The following C1orf185 variants were observed in gnomAD, a reference collection of about 807,000 sequenced individuals.
C1orf185 encodes the protein chromosome 1 open reading frame 185.
In C1orf185, 13 loss-of-function variants were observed where a neutral mutation model predicts 16.1. The observed-to-expected ratio is 0.81, with a 90% CI of 0.53 to 1.28. The LOEUF is 1.28. Among genes scored for constraint, C1orf185 ranks in the 50% most tolerant of loss-of-function variants. The pLI, the probability that C1orf185 is intolerant of heterozygous loss-of-function variation, is 0.00. For synonymous variants in C1orf185, 80 were observed against 76.9 expected (o/e 1.04, Z -0.21); for missense variants, 220 against 225.2 (o/e 0.98, Z 0.15).
chr1:51,116,909 C>T (rs1646161967), intron 2 of C1orf185, among the ~76,000 whole-genome samples: 1 of 152,174 alleles, frequency 6.6e-6, no homozygotes, highest in African/African-American at 2.4e-5. Context: ...TAAATCATCC[C>T]TACCTTAATA....
At chr1:51,145,619 A>C in intron 3 of C1orf185, 105 bp from the exon 4 acceptor site, 1 of 553,168 alleles carries the variant, frequency 1.8e-6, no homozygotes, top group East Asian at 4.0e-5. Context: ...ATTTTCCATT[A>C]AAAAATTATA....
chr1:51,143,261 G>A (rs1010758868), intron 3 of C1orf185, among the ~76,000 whole-genome samples: 9 of 152,040 alleles, frequency 5.9e-5, no homozygotes, highest in Non-Finnish European at 1.0e-4. Flanking sequence ...AATTACTTGC[G>A]CCTGAGTAAA....
At chr1:51,111,179 T>C (rs1646115097) in intron 1 of C1orf185, among the ~76,000 whole-genome samples, 1 of 151,676 alleles carries the variant, frequency 6.6e-6, no homozygotes, top group Admixed American at 6.6e-5. Context: ...AGGGATAAGA[T>C]AATAGGAAAA....
At chr1:51,110,269 T>C (rs1192093690) in intron 1 of C1orf185, among the ~76,000 whole-genome samples, 2 of 152,214 alleles carry the variant, frequency 1.3e-5, no homozygotes, top group African/African-American at 4.8e-5. Context: ...GTGCCTGGCA[T>C]ATAGTATTTG....
chr1:51,138,532 A>G (rs540629810), intron 3 of C1orf185, among the ~76,000 whole-genome samples: 240 of 151,916 alleles, frequency 1.6e-3, no homozygotes, highest in Non-Finnish European at 2.8e-3. Flanking sequence ...AGCTGGGACT[A>G]CAGGCGCCCG....
Position 51,134,047 on chromosome 1 carries a change from A to G in C1orf185, c.259-11677A>G, listed in dbSNP as rs184337398. On this transcript the variant is annotated intron_variant, in intron 3 of 4. Coordinates refer to ENST00000371759, the MANE Select transcript of C1orf185 (RefSeq NM_001136508.2). Reference sequence around the variant, plus strand: ...CAGTGAGCTGACATGGCACCACTGCACTCCACTCTGGATGACAGAGCAAGA... The same window carrying G: ...CAGTGAGCTGACATGGCACCACTGCGCTCCACTCTGGATGACAGAGCAAGA... 3.6e-3 allele frequency among the ~76,000 whole-genome samples: 544 copies of G among 152,190 alleles called. 1 individual carries two copies. The highest frequency in any genetic ancestry group is 4.4e-3 in the Non-Finnish European group (299 of 68,018).
intron 3 of C1orf185, among the ~76,000 whole-genome samples, chr1:51,129,086 T>C (rs911387390): frequency 6.6e-6 from 1 of 152,024 alleles, no homozygotes; most frequent in Non-Finnish European, 1.5e-5. Flanking sequence ...GGTTTCACCA[T>C]GTTGGCCAGG....
downstream of C1orf185, among the ~76,000 whole-genome samples, chr1:51,151,285 C>A (rs897538761): frequency 2.0e-5 from 3 of 152,094 alleles, no homozygotes; most frequent in African/African-American, 7.2e-5. Context: ...AGTCAAGGTT[C>A]AGTGAGGGAA....
At chr1:51,124,108 G>A (rs1646219687) in intron 3 of C1orf185, among the ~76,000 whole-genome samples, 1 of 129,366 alleles carries the variant, frequency 7.7e-6, no homozygotes, top group African/African-American at 3.0e-5. Context: ...TTTTGAGACA[G>A]TCTCGCACTG....
chr1:51,128,704 TTAAAATAAAA>T (rs532154201), intron 3 of C1orf185, among the ~76,000 whole-genome samples: 1 of 151,906 alleles, frequency 6.6e-6, no homozygotes, highest in Admixed American at 6.6e-5. Flanking sequence ...AAAAATTAAA[TTAAAATAAAA>T]TAAAATAAAA....
At chr1:51,151,763 C>T (rs1417055082), downstream of C1orf185, among the ~76,000 whole-genome samples, 3 of 152,054 alleles carry the variant, frequency 2.0e-5, no homozygotes, top group South Asian at 4.1e-4. Flanking sequence ...GGTCTTGGCT[C>T]ACTGCAACCT....
In C1orf185 at chr1:51,118,715, C is replaced by A. The variant is rs1646176311; in HGVS notation, c.172C>A (p.Gln58Lys). The stretch of plus-strand genomic sequence containing the variant: ...TAAAGCAATTGATGAGAGATGCAGG[C>A]AAAGACCATCAATGGCGAAGATTAA... ...KFKAIDERCR[Q>K]RPSMAKIKSH... The change falls in exon 3 of 5, where the codon CAA (glutamine) becomes AAA (lysine). Residue 58 changes from glutamine (Q) to lysine (K), a missense_variant. By Grantham distance (53) the Gln-to-Lys change is moderately conservative. Transcript: ENST00000371759. 4.7e-6 allele frequency: 7 copies of A among 1,485,034 alleles called. No homozygotes were observed. The South Asian group carries it at 9.8e-5, about 21-fold the overall frequency. 92.0% of individuals were successfully genotyped at this position (1,485,034 alleles called of 1,614,324 possible). A position where few individuals can be genotyped will look rare whatever the true frequency, so the allele number is the denominator to read the frequency against.
At chr1:51,139,245 G>A (rs1363157521) in intron 3 of C1orf185, among the ~76,000 whole-genome samples, 1 of 152,004 alleles carries the variant, frequency 6.6e-6, no homozygotes, top group Non-Finnish European at 1.5e-5. Context: ...TGGGATTACA[G>A]GTGCTCGCCA....
chr1:51,140,820 A>AT (rs1646359385), intron 3 of C1orf185, among the ~76,000 whole-genome samples: 1 of 152,190 alleles, frequency 6.6e-6, no homozygotes, highest in South Asian at 2.1e-4. Context: ...CTATAGTGAT[A>AT]TTCTCTTGCT....
intron 3 of C1orf185, among the ~76,000 whole-genome samples, chr1:51,123,260 C>T (rs1349879091): frequency 1.3e-5 from 2 of 152,126 alleles, no homozygotes; most frequent in Non-Finnish European, 2.9e-5. Context: ...CTTAAAGGCC[C>T]CACCTTCTGA....
At position 51,148,068 on chromosome 1, in the gene C1orf185, A is replaced by C; in HGVS notation, c.*297A>C. 1 of 237,286 alleles carries C rather than the reference A, an allele frequency of 4.2e-6. No individual in the cohort carries two copies. The highest frequency in any genetic ancestry group is 8.2e-6 in the Non-Finnish European group (1 of 122,238). 14.7% of individuals were successfully genotyped at this position (237,286 alleles called of 1,614,324 possible). A position where few individuals can be genotyped will look rare whatever the true frequency, so the allele number is the denominator to read the frequency against. On this transcript the variant is annotated 3_prime_UTR_variant, in exon 5 of 5. Transcript: ENST00000371759. Reference sequence around the variant, plus strand: ...CTCATCCAAAGACATATTAAATAAAATGAGTGTATGTCAACAAACGGGAGA... The same window carrying C: ...CTCATCCAAAGACATATTAAATAAACTGAGTGTATGTCAACAAACGGGAGA...
Position 51,147,678 on chromosome 1 carries a change from T to C in C1orf185, c.507T>C (p.Ser169=). The change falls in exon 5 of 5, where the codon TCT becomes TCC. Residue 169 remains serine, a synonymous_variant. Coordinates refer to ENST00000371759, the MANE Select transcript of C1orf185 (RefSeq NM_001136508.2). ...SLVKRNSPMP[S]LGEPLMEKVF... ...TGAAAAGGAACTCTCCAATGCCTTC[T>C]CTCGGGGAACCTCTAATGGAAAAAG... The C allele has an allele frequency of 1.3e-6, 2 of 1,551,442 alleles. No individual in the cohort carries two copies. Among genetic ancestry groups the C allele is most frequent in the East Asian group, 2.4e-5 (1 of 40,886 alleles).
chr1:51,124,767 G>C (rs1462605877), intron 3 of C1orf185, among the ~76,000 whole-genome samples: 2 of 152,186 alleles, frequency 1.3e-5, no homozygotes, highest in African/African-American at 4.8e-5. Context: ...ATAGTGTCTT[G>C]TATTAATGAG....
chr1:51,148,037 T>C lies in C1orf185; in HGVS notation c.*266T>C, dbSNP rs556525430. The C allele has an allele frequency of 1.6e-5, 5 of 307,082 alleles. No individual in the cohort carries two copies. The highest frequency in any genetic ancestry group is 5.7e-5 in the East Asian group (1 of 17,604). 19.0% of individuals were successfully genotyped at this position (307,082 alleles called of 1,614,324 possible). A position where few individuals can be genotyped will look rare whatever the true frequency, so the allele number is the denominator to read the frequency against. ...TGTCATGAACATTAAGCTTAACTTATTGTATCTCATCCAAAGACATATTAA... is the reference window on the plus strand; with the variant it reads ...TGTCATGAACATTAAGCTTAACTTACTGTATCTCATCCAAAGACATATTAA... On this transcript the variant is annotated 3_prime_UTR_variant, in exon 5 of 5. Coordinates refer to ENST00000371759, the MANE Select transcript of C1orf185 (RefSeq NM_001136508.2).
Sources: allele counts gnomAD v4.1 joint callset (sites outside exome capture counted in the v4.1 genomes callset), GRCh38; gene constraint gnomAD v4.1.1; transcripts MANE v1.5; gene names NCBI Gene and HGNC (gene_info 2026-07-23, HGNC 2026-07-21).